The following RBFOX1 variants were observed in gnomAD, a reference collection of about 807,000 sequenced individuals.
RBFOX1 encodes the protein RNA binding protein fox-1 homolog 1.
In RBFOX1, 8 loss-of-function variants were observed where a neutral mutation model predicts 57.7. The observed-to-expected ratio is 0.14, with a 90% CI of 0.08 to 0.25. The LOEUF (loss-of-function observed/expected upper bound fraction) is 0.25. RBFOX1 is among the 10% of genes least tolerant of loss of function. The pLI, the probability that RBFOX1 is intolerant of heterozygous loss-of-function variation, is 1.00. For missense variants in RBFOX1, 611 were observed against 548.5 expected (o/e 1.11, Z -1.14); for synonymous variants, 326 against 222.4 (o/e 1.47, Z -4.15).
At position 5,492,939 on chromosome 16, in the gene RBFOX1, C is replaced by T. The variant is rs184040083; in HGVS notation, c.258+25685C>T. On this transcript the variant is annotated intron_variant, in intron 2 of 2. Transcript: ENST00000585867. ...GTGGAATCCTGTTCACTTCTTTTGA[C>T]CCTAGAGCCTACACCAAGATTTGGC... Among the ~76,000 whole-genome samples the T allele has an allele frequency of 2.8e-3, 431 of 152,312 alleles. 10 individuals are homozygous for T. Among genetic ancestry groups the T allele is most frequent in the Admixed American group, 0.025 (378 of 15,292 alleles).
chr16:7,532,864 A>G (rs2080466089), intron 5 of RBFOX1, among the ~76,000 whole-genome samples: 2 of 152,198 alleles, frequency 1.3e-5, no homozygotes, highest in South Asian at 4.1e-4. Context: ...CCTCAACAGA[A>G]AAAGTTTGGC....
At chr16:5,651,397 A>T (rs2151363529) in intron 3 of RBFOX1, among the ~76,000 whole-genome samples, 1 of 152,082 alleles carries the variant, frequency 6.6e-6, no homozygotes, top group Middle Eastern at 3.4e-3. Context: ...CAACCTGCAG[A>T]ATGTTGGTTG....
intron 12 of RBFOX1, among the ~76,000 whole-genome samples, chr16:7,657,139 A>T (rs1044212236): frequency 3.3e-5 from 5 of 152,194 alleles, no homozygotes; most frequent in Non-Finnish European, 5.9e-5. Flanking sequence ...TCCTAGGTCC[A>T]TGCATGGCTT....
At chr16:6,555,836 C>T (rs2097090399) in intron 2 of RBFOX1, among the ~76,000 whole-genome samples, 1 of 152,186 alleles carries the variant, frequency 6.6e-6, no homozygotes, top group African/African-American at 2.4e-5. Context: ...CATTTTCTTA[C>T]TATGAAATGC....
At chr16:5,590,191 C>T (rs1480314219) in intron 2 of RBFOX1, among the ~76,000 whole-genome samples, 3 of 151,930 alleles carry the variant, frequency 2.0e-5, no homozygotes, top group African/African-American at 4.8e-5. Flanking sequence ...AAACGATTTA[C>T]ATGGTAATAG....
Position 5,241,880 on chromosome 16 carries a change from C to T in RBFOX1, c.219+1775C>T, listed in dbSNP as rs536783777. Among the ~76,000 whole-genome samples the T allele has an allele frequency of 1.8e-4, 28 of 151,476 alleles. No homozygotes were observed. The South Asian group carries it at 4.6e-3, about 25-fold the overall frequency. Reference sequence around the variant, plus strand: ...CTTTGAGAGGCCGAAGGGGGAGGATCGCTTGAGTCCAGGAGTTTAAGACCA... The same window carrying T: ...CTTTGAGAGGCCGAAGGGGGAGGATTGCTTGAGTCCAGGAGTTTAAGACCA... On this transcript the variant is annotated intron_variant, in intron 1 of 2. Transcript: ENST00000585867.
intron 4 of RBFOX1, among the ~76,000 whole-genome samples, chr16:5,923,461 C>A (rs2058872380): frequency 6.6e-6 from 1 of 150,978 alleles, no homozygotes; most frequent in Admixed American, 6.6e-5. Flanking sequence ...GAGCAGCTCC[C>A]TGAAGGCTCA....
intron 4 of RBFOX1, among the ~76,000 whole-genome samples, chr16:6,005,434 GC>G (rs749339275): frequency 6.6e-6 from 1 of 152,210 alleles, no homozygotes; most frequent in African/African-American, 2.4e-5. Context: ...CAGTGTCCCT[GC>G]CCCCAAGGAG....
At chr16:5,391,670 G>T (rs573617487) in intron 1 of RBFOX1, among the ~76,000 whole-genome samples, 1 of 152,058 alleles carries the variant, frequency 6.6e-6, no homozygotes, top group African/African-American at 2.4e-5. Flanking sequence ...GGAGAGCTCA[G>T]GTGTCCCTAG....
At chr16:7,344,844 C>G (rs1388150585) in intron 4 of RBFOX1, among the ~76,000 whole-genome samples, 3 of 152,214 alleles carry the variant, frequency 2.0e-5, no homozygotes, top group African/African-American at 4.8e-5. Flanking sequence ...TCTCCCCATC[C>G]TCCATGGGGA....
chr16:5,608,053 A>G (rs953791044), intron 3 of RBFOX1, among the ~76,000 whole-genome samples: 2 of 152,194 alleles, frequency 1.3e-5, no homozygotes, highest in Non-Finnish European at 2.9e-5. Context: ...TTGGTCACAG[A>G]ATAGGCACAT....
At chr16:7,161,324 A>G (rs958268767) in intron 4 of RBFOX1, among the ~76,000 whole-genome samples, 1 of 151,896 alleles carries the variant, frequency 6.6e-6, no homozygotes, top group Non-Finnish European at 1.5e-5. Flanking sequence ...ACCGTTTTAA[A>G]TGAATGTTCT....
At chr16:5,417,599 C>T (rs1405234084) in intron 1 of RBFOX1, among the ~76,000 whole-genome samples, 1 of 152,166 alleles carries the variant, frequency 6.6e-6, no homozygotes, top group Non-Finnish European at 1.5e-5. Context: ...CAAAGGTGGG[C>T]AGACATGGGC....
chr16:7,227,290 A>AACC (rs2093192786), intron 4 of RBFOX1, among the ~76,000 whole-genome samples: 2 of 105,316 alleles, frequency 1.9e-5, no homozygotes, highest in Admixed American at 2.4e-4. Flanking sequence ...ACCCCACCCC[A>AACC]CCCCCACACA....
intron 4 of RBFOX1, among the ~76,000 whole-genome samples, chr16:7,184,468 A>G (rs542278703): frequency 1.3e-5 from 2 of 152,232 alleles, no homozygotes; most frequent in East Asian, 1.9e-4. Context: ...TCTGCATTGC[A>G]TGCATGTTTT....
chr16:6,454,118 C>G (rs1025522003), intron 2 of RBFOX1, among the ~76,000 whole-genome samples: 1 of 152,144 alleles, frequency 6.6e-6, no homozygotes, highest in Non-Finnish European at 1.5e-5. Context: ...TGGATGAGGG[C>G]CCACCCTATG....
Position 5,946,326 on chromosome 16 carries a change from T to A in RBFOX1, c.351+78991T>A, listed in dbSNP as rs1162938146. On this transcript the variant is annotated intron_variant, in intron 4 of 19. Transcript: ENST00000641259. This position sits in a 1 kb window ranked among gnomAD's most constrained non-coding sequence, Gnocchi z 4.6. Reference sequence around the variant, plus strand: ...TTATTTGAGGCTCAGACTAAATGGATGTGAGTGTGTCTTCAATGATTTACT... The same window carrying A: ...TTATTTGAGGCTCAGACTAAATGGAAGTGAGTGTGTCTTCAATGATTTACT... 6.6e-6 allele frequency among the ~76,000 whole-genome samples: 1 copy of A among 152,188 alleles called. No individual in the cohort carries two copies. The highest frequency in any genetic ancestry group is 1.5e-5 in the Non-Finnish European group (1 of 68,038).
chr16:6,366,379 A>C (rs1179628278), intron 2 of RBFOX1, among the ~76,000 whole-genome samples: 1 of 152,148 alleles, frequency 6.6e-6, no homozygotes, highest in African/African-American at 2.4e-5. Flanking sequence ...ATTGTAATAA[A>C]AATTCCTCTG....
chr16:7,486,651 G>A (rs1470646217), intron 4 of RBFOX1, among the ~76,000 whole-genome samples: 1 of 152,100 alleles, frequency 6.6e-6, no homozygotes, highest in Non-Finnish European at 1.5e-5. Context: ...ATGGCACCCA[G>A]GCTTGATAGA....
Sources: gnomAD v4.1 joint callset for allele counts (sites outside exome capture counted in the v4.1 genomes callset) on GRCh38, gnomAD v4.1.1 for gene constraint, Gnocchi (gnomAD v3.1) non-coding constraint, MANE v1.5 for transcripts, NCBI Gene and HGNC (gene_info 2026-07-23, HGNC 2026-07-21) for gene names.